The following SARNP variants were observed in gnomAD, a reference collection of about 807,000 sequenced individuals.
The protein encoded by SARNP is SAP domain-containing ribonucleoprotein.
SARNP carries 5 observed loss-of-function variants against 38.1 expected under a neutral mutation model. The observed-to-expected ratio is 0.13, with a 90% confidence interval of 0.07 to 0.28. The LOEUF is 0.28. SARNP is among the 10% of genes least tolerant of loss of function. SARNP has a pLI of 1.00. For missense variants in SARNP, 180 were observed against 243.9 expected (o/e 0.74, Z 1.75); for synonymous variants, 84 against 80.6 (o/e 1.04, Z -0.23).
At position 55,757,354 on chromosome 12, in the gene SARNP, C is replaced by CAAACT; in HGVS notation, c.*153_*157dup. The stretch of plus-strand genomic sequence containing the variant: ...CCTTAAAGCTGAAACAGCAATAAGT[C>CAAACT]AAACTGCTGCCGCAGTTCATGGATG... On this transcript the variant is annotated 3_prime_UTR_variant, in exon 11 of 11. Transcript: ENST00000336133. 1 of 462,888 alleles carries CAAACT rather than the reference C, an allele frequency of 2.2e-6. No individual in the cohort carries two copies. Among genetic ancestry groups the CAAACT allele is most frequent in the Non-Finnish European group, 3.8e-6 (1 of 264,730 alleles). The allele number at this position is 462,888 out of a possible 1,614,324, so 28.7% of individuals were successfully genotyped here.
intron 9 of SARNP, among the ~76,000 whole-genome samples, 198 bp downstream of exon 9, chr12:55,788,877 G>A (rs571857454): frequency 2.0e-5 from 3 of 152,208 alleles, no homozygotes; most frequent in South Asian, 4.1e-4. Context: ...AACAATCCAC[G>A]GGAAAAAACA....
downstream of SARNP, chr12:55,757,163 G>T: frequency 5.7e-6 from 1 of 173,944 alleles, no homozygotes; most frequent in Non-Finnish European, 1.2e-5. Flanking sequence ...TCTTCTAAGG[G>T]ATAAAGGTAT....
intron 1 of SARNP, among the ~76,000 whole-genome samples, chr12:55,806,321 C>A (rs925534636): frequency 6.6e-6 from 1 of 150,438 alleles, no homozygotes; most frequent in South Asian, 2.1e-4. Context: ...GGTGCCCTGG[C>A]TGGAGTACAG....
In SARNP at chr12:55,790,822, A is replaced by G. The variant is rs186000525; in HGVS notation, c.407-230T>C. On this transcript the variant is annotated intron_variant, in intron 7 of 10. Coordinates refer to ENST00000336133, the MANE Select transcript of SARNP (RefSeq NM_033082.4). ...CCTCAAAAGATAAATACAGTTACAT[A>G]TGATCCCACAATTCCACTGCTAGCT... Among the ~76,000 whole-genome samples the G allele has an allele frequency of 2.0e-5, 3 of 152,354 alleles. No individual in the cohort carries two copies. In the East Asian group the frequency reaches 5.8e-4, roughly 29 times the overall value.
At chr12:55,765,738 C>T (rs750991196) in intron 9 of SARNP, among the ~76,000 whole-genome samples, 70 of 152,172 alleles carry the variant, frequency 4.6e-4, no homozygotes, top group Non-Finnish European at 9.3e-4. Context: ...GGGAAAACAA[C>T]AACAACAATA....
At chr12:55,798,549 T>C (rs1211352284) in intron 4 of SARNP, among the ~76,000 whole-genome samples, 1 of 152,184 alleles carries the variant, frequency 6.6e-6, no homozygotes, top group Non-Finnish European at 1.5e-5. Context: ...AGATGTTAAA[T>C]GTACATCCTC....
intron 2 of SARNP, 116 bp downstream of exon 2, chr12:55,803,513 G>A: frequency 1.8e-6 from 1 of 551,370 alleles, no homozygotes; most frequent in Admixed American, 3.2e-5. Flanking sequence ...TTTTCTTGAT[G>A]CCGTTAATTA....
At chr12:55,788,675 TG>T (rs1565677752) in intron 9 of SARNP, among the ~76,000 whole-genome samples, 1 of 152,110 alleles carries the variant, frequency 6.6e-6, no homozygotes, top group Admixed American at 6.5e-5. Context: ...GGCACGTGCC[TG>T]TAGTTTTAGC....
chr12:55,777,434 G>A (rs1879215086), intron 9 of SARNP, among the ~76,000 whole-genome samples: 2 of 151,540 alleles, frequency 1.3e-5, no homozygotes, highest in African/African-American at 2.4e-5. Flanking sequence ...GAGTGCAGTG[G>A]CACCATCTAG....
chr12:55,789,943 CAAA>C (rs1158181574), intron 8 of SARNP, among the ~76,000 whole-genome samples: 2 of 45,764 alleles, frequency 4.4e-5, no homozygotes, highest in Admixed American at 2.3e-4. Context: ...AACTCCGTCT[CAAA>C]AAAAAAAAAA....
At chr12:55,795,132 G>A (rs550194513) in intron 5 of SARNP, among the ~76,000 whole-genome samples, 3 of 152,030 alleles carry the variant, frequency 2.0e-5, no homozygotes, top group African/African-American at 7.2e-5. Context: ...GCTAATTTTT[G>A]TGCTTTTAGT....
At chr12:55,775,941 G>A (rs1338125238) in intron 9 of SARNP, among the ~76,000 whole-genome samples, 3 of 152,090 alleles carry the variant, frequency 2.0e-5, no homozygotes, top group Non-Finnish European at 4.4e-5. Context: ...GCTCTCACAT[G>A]AGGAGCCTTT....
At chr12:55,792,943 C>T (rs1201418794) in intron 7 of SARNP, 7 of 152,166 alleles carry the variant, frequency 4.6e-5, no homozygotes, top group African/African-American at 1.7e-4. Flanking sequence ...GCTTGGCATC[C>T]CAAAGTGCTG....
At chr12:55,774,579 CA>C (rs71074858) in intron 9 of SARNP, among the ~76,000 whole-genome samples, 69,649 of 106,200 alleles carry the variant, frequency 0.66, 21,548 homozygotes, top group East Asian at 0.81. Flanking sequence ...AAAAAACAAA[CA>C]AAAAAAAAAA....
At chr12:55,805,967 G>A (rs997996098) in intron 1 of SARNP, among the ~76,000 whole-genome samples, 13 of 151,828 alleles carry the variant, frequency 8.6e-5, no homozygotes, top group East Asian at 1.9e-4. Flanking sequence ...AACCTGGGAC[G>A]CAGAGGTTGC....
At chr12:55,764,959 A>T (rs1878785789) in intron 9 of SARNP, among the ~76,000 whole-genome samples, 1 of 152,176 alleles carries the variant, frequency 6.6e-6, no homozygotes, top group Non-Finnish European at 1.5e-5. Context: ...AATACGGAAT[A>T]TAAATGGGGA....
intron 1 of SARNP, among the ~76,000 whole-genome samples, chr12:55,807,569 G>A (rs1446861288): frequency 9.3e-5 from 14 of 151,014 alleles, no homozygotes; most frequent in East Asian, 5.9e-4. Flanking sequence ...TTGAGAGGCC[G>A]AGGCAGGCGG....
At chr12:55,792,587 T>C (rs1022088227) in intron 7 of SARNP, 2 of 149,126 alleles carry the variant, frequency 1.3e-5, no homozygotes, top group Non-Finnish European at 3.0e-5. Flanking sequence ...TTTCGCCATG[T>C]TGGCCAGGCT....
At chr12:55,790,475 G>T in intron 8 of SARNP, 92 bp downstream of exon 8, 2 of 1,339,596 alleles carry the variant, frequency 1.5e-6, no homozygotes, top group Non-Finnish European at 2.0e-6. Context: ...AATGTTCTCA[G>T]AGTTTCCTCT....
Sources: gnomAD v4.1 joint callset for allele counts (sites outside exome capture counted in the v4.1 genomes callset) on GRCh38, gnomAD v4.1.1 for gene constraint, MANE v1.5 for transcripts, NCBI Gene and HGNC (gene_info 2026-07-23, HGNC 2026-07-21) for gene names.